CCM2: variants seen among roughly 807,000 people sequenced by gnomAD.
CCM2 encodes the protein cerebral cavernous malformations 2 protein.
Under a neutral mutation model 44.9 loss-of-function variants are expected in CCM2, and 25 were observed. That is an observed-to-expected ratio of 0.56 (90% CI 0.41 to 0.78). The LOEUF (loss-of-function observed/expected upper bound fraction) is 0.78. Ranked by LOEUF, CCM2 falls within the 30% of genes least tolerant of loss-of-function variation. CCM2 has a pLI of 0.00. For missense variants in CCM2, 481 were observed against 580.6 expected, an observed-to-expected ratio of 0.83 and a Z score of 1.76; for synonymous variants, 219 against 241.1, an observed-to-expected ratio of 0.91 and a Z score of 0.85.
chr7:45,045,558 G>A (rs1167302338), intron 2 of CCM2, among the ~76,000 whole-genome samples: 1 of 152,184 alleles, frequency 6.6e-6, no homozygotes, highest in Non-Finnish European at 1.5e-5. Flanking sequence ...TTGGGAGGCC[G>A]AGGCAGGTGG....
chr7:45,000,294 G>C lies in CCM2; in HGVS notation c.-40G>C. 1 of 1,226,364 alleles carries C rather than the reference G, an allele frequency of 8.2e-7. No homozygotes were observed. Among genetic ancestry groups the C allele is most frequent in the Non-Finnish European group, 1.0e-6 (1 of 978,320 alleles). The allele number at this position is 1,226,364 out of a possible 1,614,324, so 76.0% of individuals were successfully genotyped here. A position where few individuals can be genotyped will look rare whatever the true frequency, so the allele number is the denominator to read the frequency against. On this transcript the variant is annotated 5_prime_UTR_variant, in exon 1 of 10. Coordinates refer to ENST00000258781, the MANE Select transcript of CCM2 (RefSeq NM_031443.4). ...AGCGGCTGCTGGCGGCGGGGCTCCC[G>C]GGGCGGGCCGGGCGGGCCGCGGGAG...
chr7:45,051,934 T>C (rs1429981912), intron 2 of CCM2, among the ~76,000 whole-genome samples: 1 of 152,226 alleles, frequency 6.6e-6, no homozygotes, highest in Non-Finnish European at 1.5e-5. Context: ...CTTGATCTCC[T>C]GACCTCGTGA....
At chr7:45,000,459 G>GGA (rs1554353553) in intron 1 of CCM2, 96 bp downstream of exon 1, 2 of 316,358 alleles carry the variant, frequency 6.3e-6, no homozygotes, top group Admixed American at 1.2e-4. Flanking sequence ...GGGCCCGGGG[G>GGA]GGGGGGCAGT....
intron 1 of CCM2, among the ~76,000 whole-genome samples, chr7:45,005,091 T>TA (rs1324311460): frequency 2.0e-5 from 3 of 152,108 alleles, no homozygotes; most frequent in Non-Finnish European, 4.4e-5. Flanking sequence ...TTGGGGCTGC[T>TA]ATATTTTGTT....
At chr7:45,073,821 T>G in intron 8 of CCM2, 1 of 567,082 alleles carries the variant, frequency 1.8e-6, no homozygotes. Context: ...TGTGCTTGGG[T>G]CCTGGGGGAG....
At chr7:45,046,891 T>G (rs569209446) in intron 2 of CCM2, among the ~76,000 whole-genome samples, 2 of 151,934 alleles carry the variant, frequency 1.3e-5, no homozygotes, top group South Asian at 4.1e-4. Context: ...AAACAAACAA[T>G]CCGATTAAGA....
intron 2 of CCM2, among the ~76,000 whole-genome samples, chr7:45,041,707 C>CT (rs201522614): frequency 0.016 from 2,480 of 152,348 alleles, 30 homozygotes; most frequent in Middle Eastern, 0.041. Context: ...GTGAGGGCCA[C>CT]TTACTCCTCC....
chr7:45,071,871 A>T (rs1489165693), intron 6 of CCM2: 2 of 456,600 alleles, frequency 4.4e-6, no homozygotes, highest in Non-Finnish European at 8.8e-6. Flanking sequence ...CCCTATTTCA[A>T]GGTCAGCTGA....
At chr7:45,020,915 TAC>T (rs1796456717) in intron 1 of CCM2, among the ~76,000 whole-genome samples, 1 of 152,172 alleles carries the variant, frequency 6.6e-6, no homozygotes, top group Admixed American at 6.5e-5. Context: ...GCAGTAATAA[TAC>T]AGTCTTATTA....
At chr7:45,074,196 T>C in intron 8 of CCM2, 74 bp from the exon 9 acceptor site, 1 of 1,606,706 alleles carries the variant, frequency 6.2e-7, no homozygotes, top group South Asian at 1.1e-5. Flanking sequence ...GGTTAGTGGC[T>C]GTGGCAAGGT....
At position 45,074,263 on chromosome 7, in the gene CCM2, C is replaced by G. The variant is rs551511374; in HGVS notation, c.916-7C>G. 1.9e-4 allele frequency: 303 copies of G among 1,613,488 alleles called. 1 individual carries two copies. The Admixed American group carries it at 3.0e-3, about 16-fold the overall frequency. On this transcript the variant is annotated splice_polypyrimidine_tract_variant and splice_region_variant and intron_variant, in intron 8 of 9. Coordinates refer to ENST00000258781, the MANE Select transcript of CCM2 (RefSeq NM_031443.4). ...CCAGCCCCCTATCTGGCTCTGCTCT[C>G]TTGCAGCTGCGCACCAAGCTGTCAT...
intron 2 of CCM2, among the ~76,000 whole-genome samples, chr7:45,045,155 T>C (rs1797691604): frequency 6.6e-6 from 1 of 152,112 alleles, no homozygotes; most frequent in African/African-American, 2.4e-5. Context: ...CCACTATCGT[T>C]ATAGCTGCTA....
chr7:45,056,167 A>G (rs1798252334), intron 2 of CCM2, among the ~76,000 whole-genome samples: 1 of 152,178 alleles, frequency 6.6e-6, no homozygotes, highest in African/African-American at 2.4e-5. Context: ...TGTCTTTTCA[A>G]GCCCCTGCTT....
chr7:45,028,294 A>G (rs143273554), intron 1 of CCM2, among the ~76,000 whole-genome samples: 3,692 of 152,300 alleles, frequency 0.024, 67 homozygotes, highest in Middle Eastern at 0.058. Context: ...TCCTGTGGGC[A>G]CTAAGGTGCC....
intron 2 of CCM2, among the ~76,000 whole-genome samples, chr7:45,059,020 C>T (rs1266271783): frequency 6.6e-6 from 1 of 150,628 alleles, no homozygotes; most frequent in African/African-American, 2.4e-5. Flanking sequence ...GCTGGGATTA[C>T]AGGTGTGAGC....
chr7:45,073,068 C>T, intron 7 of CCM2: 1 of 595,060 alleles, frequency 1.7e-6, no homozygotes, highest in Non-Finnish European at 3.0e-6. Flanking sequence ...TGTTCCCCTG[C>T]CCGAGCCTGC....
intron 1 of CCM2, among the ~76,000 whole-genome samples, chr7:45,004,126 G>A (rs542916639): frequency 2.0e-5 from 3 of 152,194 alleles, no homozygotes; most frequent in Admixed American, 1.3e-4. Flanking sequence ...GCTGCAGTGA[G>A]TGTGATTGTG....
chr7:45,047,778 C>T (rs1418857656), intron 2 of CCM2, among the ~76,000 whole-genome samples: 3 of 152,188 alleles, frequency 2.0e-5, no homozygotes, highest in Non-Finnish European at 4.4e-5. Flanking sequence ...GCTGTGTTTA[C>T]ATCCATGTCC....
intron 1 of CCM2, 93 bp downstream of exon 1, chr7:45,000,456 G>GGGT (rs1795551939): frequency 8.6e-6 from 3 of 349,286 alleles, no homozygotes; most frequent in African/African-American, 5.4e-5. Flanking sequence ...TTGGGGCCCG[G>GGGT]GGGGGGGGGC....
Sources: allele counts gnomAD v4.1 joint callset (sites outside exome capture counted in the v4.1 genomes callset), GRCh38; gene constraint gnomAD v4.1.1; transcripts MANE v1.5; gene names NCBI Gene and HGNC (gene_info 2026-07-23, HGNC 2026-07-21).